Variants in MAPK6 observed in about 807,000 individuals in gnomAD.
The protein encoded by MAPK6 is ERK-3.
Under a neutral mutation model 59.3 loss-of-function variants are expected in MAPK6, and 19 were observed. The ratio of observed to expected loss-of-function variants is 0.32; its 90% CI spans 0.22 to 0.47. The LOEUF is 0.47. Among genes scored for constraint, MAPK6 ranks in the 20% least tolerant of loss-of-function variants. The pLI, the probability that MAPK6 is intolerant of heterozygous loss-of-function variation, is 1.00. For missense variants in MAPK6, 724 were observed against 847.9 expected, an observed-to-expected ratio of 0.85 and a Z score of 1.81; for synonymous variants, 316 against 290.3, an observed-to-expected ratio of 1.09 and a Z score of -0.90.
chr15:52,051,105 T>C (rs763928597), intron 3 of MAPK6, among the ~76,000 whole-genome samples: 7 of 152,094 alleles, frequency 4.6e-5, no homozygotes, highest in Non-Finnish European at 1.0e-4. Flanking sequence ...TCACCCAGGC[T>C]GGAGTGCAGT....
rs911837782 is a variant in MAPK6, at chr15:52,067,115, T to C, written c.*2115T>C. ...TTTGACTCTAAAATGCTGTCTTCCC[T>C]GAAGGAGACCTAGGATTTTTCTTAC... On this transcript the variant is annotated 3_prime_UTR_variant, in exon 6 of 6. Transcript: ENST00000261845. 4 of 152,194 alleles carry C rather than the reference T, an allele frequency of 2.6e-5. No homozygotes were observed. Among genetic ancestry groups the C allele is most frequent in the Admixed American group, 2.6e-4 (4 of 15,276 alleles). The allele number at this position is 152,194 out of a possible 1,614,324, so 9.4% of individuals were successfully genotyped here. A position where few individuals can be genotyped will look rare whatever the true frequency, so the allele number is the denominator to read the frequency against.
intron 3 of MAPK6, chr15:52,011,449 A>G (rs1235301109): frequency 6.6e-6 from 1 of 152,254 alleles, no homozygotes; most frequent in Non-Finnish European, 1.5e-5. Flanking sequence ...TCCTAAGCAC[A>G]GAAGGCTGTG....
At position 52,030,611 on chromosome 15, in the gene MAPK6, C is replaced by CTTTTTTTTTTTTT. The variant is rs11295636; in HGVS notation, c.-632+11253_-632+11265dup. Among the ~76,000 whole-genome samples, 32 of 35,746 alleles carry CTTTTTTTTTTTTT rather than the reference C, an allele frequency of 9.0e-4. 5 individuals carry two copies. Among genetic ancestry groups the CTTTTTTTTTTTTT allele is most frequent in the African/African-American group, 2.8e-3 (25 of 8,778 alleles). 23.5% of individuals were successfully genotyped at this position (35,746 alleles called of 152,430 possible). A position where few individuals can be genotyped will look rare whatever the true frequency, so the allele number is the denominator to read the frequency against. ...TGTGTTTTAGTTATGCAGAAGAAGG[C>CTTTTTTTTTTTTT]TTTTTTTTTTTTTTTTTTTTTTTTT... On this transcript the variant is annotated intron_variant, in intron 1 of 5. Transcript: ENST00000261845.
At chr15:51,976,076 C>G (rs946412045) in intron 1 of MAPK6, among the ~76,000 whole-genome samples, 1 of 151,580 alleles carries the variant, frequency 6.6e-6, no homozygotes, top group Non-Finnish European at 1.5e-5. Context: ...ACCATCCTGG[C>G]TAACACGGTG....
chr15:51,996,691 C>T lies in MAPK6; in HGVS notation c.-769-7574C>T, dbSNP rs572050910. On this transcript the variant is annotated intron_variant, in intron 2 of 7. Transcript: ENST00000691380. ...GACTACAAGCATGAGCCACGGCGCC[C>T]GTCCTCCTCCTCCTTCTTCTTGACA... Among the ~76,000 whole-genome samples the T allele has an allele frequency of 1.6e-4, 24 of 151,292 alleles. No individual in the cohort carries two copies. The South Asian group carries it at 1.7e-3, about 11-fold the overall frequency.
At position 51,982,822 on chromosome 15, in the gene MAPK6, A is replaced by T. The variant is rs548716270; in HGVS notation, c.-879-384A>T. On this transcript the variant is annotated intron_variant, in intron 1 of 7. Coordinates refer to the MAPK6 transcript ENST00000691380. ...CTGTTACCTTTTAAGGAAATTTTTAAATTTTTTCTTGGGCTCCATAAGATG... is the reference window on the plus strand; with the variant it reads ...CTGTTACCTTTTAAGGAAATTTTTATATTTTTTCTTGGGCTCCATAAGATG... Among the ~76,000 whole-genome samples, 3 of 152,312 alleles carry T rather than the reference A, an allele frequency of 2.0e-5. No individual in the cohort carries two copies. In the South Asian group the frequency reaches 6.2e-4, roughly 32 times the overall value.
chr15:52,048,516 C>T (rs1192557847), intron 2 of MAPK6, among the ~76,000 whole-genome samples: 1 of 152,088 alleles, frequency 6.6e-6, no homozygotes, highest in Non-Finnish European at 1.5e-5. Context: ...ACTCGGGAGG[C>T]TGAAGCAGGA....
chr15:52,043,232 G>A (rs1282032257), intron 1 of MAPK6, among the ~76,000 whole-genome samples: 1 of 152,156 alleles, frequency 6.6e-6, no homozygotes, highest in East Asian at 1.9e-4. Flanking sequence ...AGGGAGACAT[G>A]CAGTATTAAA....
At position 52,065,430 on chromosome 15, in the gene MAPK6, A is replaced by G. The variant is rs1475482855; in HGVS notation, c.*430A>G. On this transcript the variant is annotated 3_prime_UTR_variant, in exon 6 of 6. Transcript: ENST00000261845. ...TTTCATACTGTACACATTTCTTAAA[A>G]CACATGATACCAGCAGCAACTGAAA... 6.5e-6 allele frequency: 1 copy of G among 153,800 alleles called. No homozygotes were observed. Among genetic ancestry groups the G allele is most frequent in the Admixed American group, 6.5e-5 (1 of 15,428 alleles). 9.5% of individuals were successfully genotyped at this position (153,800 alleles called of 1,614,324 possible).
chr15:52,048,084 T>A (rs1595998545), intron 2 of MAPK6, among the ~76,000 whole-genome samples: 1 of 152,198 alleles, frequency 6.6e-6, no homozygotes, highest in East Asian at 1.9e-4. Flanking sequence ...TTTGTTAGCT[T>A]TCCACAGTAC....
intron 1 of MAPK6, among the ~76,000 whole-genome samples, chr15:51,979,223 G>GAGAA (rs1555394787): frequency 1.9e-4 from 28 of 150,004 alleles, no homozygotes; most frequent in African/African-American, 6.8e-4. Flanking sequence ...AAGAAAAAAA[G>GAGAA]AGAAAGAAAA....
At chr15:52,057,112 C>T (rs753912708) in intron 3 of MAPK6, 3 of 152,148 alleles carry the variant, frequency 2.0e-5, no homozygotes, top group Non-Finnish European at 2.9e-5. Context: ...AAACTATATC[C>T]AGACTCTTAA....
chr15:52,048,576 C>G (rs780957026), intron 2 of MAPK6, among the ~76,000 whole-genome samples: 8 of 152,174 alleles, frequency 5.3e-5, no homozygotes, highest in Non-Finnish European at 1.0e-4. Context: ...CCAATGCACT[C>G]CAGCCTGGGC....
rs1212229425 is a variant in MAPK6, at chr15:52,044,093, CAA to C, written c.-631-1734_-631-1733del. ...CCGGCCTTGAGATATTTTTTTAATT[CAA>C]AAGTTTATTCACAAACTTCAACTTT... On this transcript the variant is annotated intron_variant, in intron 1 of 5. Coordinates refer to ENST00000261845, the MANE Select transcript of MAPK6 (RefSeq NM_002748.4). Among the ~76,000 whole-genome samples the C allele has an allele frequency of 3.3e-5, 5 of 151,706 alleles. No individual in the cohort carries two copies. The East Asian group carries it at 7.7e-4, about 23-fold the overall frequency.
intron 3 of MAPK6, among the ~76,000 whole-genome samples, chr15:52,009,247 T>G (rs1285392274): frequency 6.6e-6 from 1 of 152,224 alleles, no homozygotes; most frequent in Non-Finnish European, 1.5e-5. Flanking sequence ...TTCTTTCCTT[T>G]TATTTACTCT....
chr15:51,988,741 TAC>T (rs35976962), intron 2 of MAPK6, among the ~76,000 whole-genome samples: 40 of 145,484 alleles, frequency 2.7e-4, no homozygotes, highest in South Asian at 8.8e-4. Context: ...AAAAAAAAAA[TAC>T]ACACACACAC....
At chr15:51,976,266 C>CAAAA (rs774556505) in intron 1 of MAPK6, among the ~76,000 whole-genome samples, 4 of 45,134 alleles carry the variant, frequency 8.9e-5, no homozygotes, top group Non-Finnish European at 2.0e-4. Flanking sequence ...ACTCCCATCT[C>CAAAA]AAAAAAAAAA....
chr15:52,051,378 G>C (rs2031773835), intron 3 of MAPK6, among the ~76,000 whole-genome samples: 1 of 151,846 alleles, frequency 6.6e-6, no homozygotes, highest in Admixed American at 6.6e-5. Flanking sequence ...TTTTTAGAGT[G>C]GTTCCCCCCA....
intron 1 of MAPK6, among the ~76,000 whole-genome samples, chr15:52,032,040 T>G (rs1234920469): frequency 6.6e-6 from 1 of 151,370 alleles, no homozygotes; most frequent in African/African-American, 2.4e-5. Context: ...GTCTGGCTAA[T>G]TTTTTTTGTA....
Sources: gnomAD v4.1 joint callset for allele counts (sites outside exome capture counted in the v4.1 genomes callset) on GRCh38, gnomAD v4.1.1 for gene constraint, MANE v1.5 for transcripts, NCBI Gene and HGNC (gene_info 2026-07-23, HGNC 2026-07-21) for gene names.